Variants in NTNG1 observed in about 807,000 individuals in gnomAD.
NTNG1 encodes netrin G1.
NTNG1 carries 16 observed loss-of-function variants against 54.0 expected under a neutral mutation model. The ratio of observed to expected loss-of-function variants is 0.30; its 90% CI spans 0.20 to 0.45. The LOEUF (loss-of-function observed/expected upper bound fraction) is 0.45, where lower values mean the gene tolerates loss of function less well. Among genes scored for constraint, NTNG1 ranks in the 20% least tolerant of loss-of-function variants. The pLI is 1.00. For missense variants in NTNG1, 530 were observed against 678.7 expected, an observed-to-expected ratio of 0.78 and a Z score of 2.43; for synonymous variants, 255 against 263.1, an observed-to-expected ratio of 0.97 and a Z score of 0.30.
intron 1 of NTNG1, among the ~76,000 whole-genome samples, chr1:107,146,794 A>T (rs528755173): frequency 6.6e-6 from 1 of 152,036 alleles, no homozygotes; most frequent in African/African-American, 2.4e-5. Context: ...ACACAATTCA[A>T]CCATCTGTTG....
intron 2 of NTNG1, among the ~76,000 whole-genome samples, chr1:107,249,836 TGTTA>T (rs1369682529): frequency 3.3e-5 from 5 of 152,292 alleles, no homozygotes; most frequent in Non-Finnish European, 7.4e-5. Flanking sequence ...TTTTGGGAAA[TGTTA>T]CCATAATATG....
intron 7 of NTNG1, among the ~76,000 whole-genome samples, chr1:107,465,033 A>G (rs1394200545): frequency 6.6e-6 from 1 of 152,076 alleles, no homozygotes; most frequent in Non-Finnish European, 1.5e-5. Flanking sequence ...TCTCACCACA[A>G]TACAAGAAAC....
intron 2 of NTNG1, among the ~76,000 whole-genome samples, chr1:107,206,864 C>A (rs530450683): frequency 6.6e-6 from 1 of 152,046 alleles, no homozygotes; most frequent in Non-Finnish European, 1.5e-5. Context: ...TGGTTTTGAA[C>A]GAGCCCGCCT....
At chr1:107,254,486 G>A (rs1662807535) in intron 2 of NTNG1, among the ~76,000 whole-genome samples, 1 of 152,210 alleles carries the variant, frequency 6.6e-6, no homozygotes, top group South Asian at 2.1e-4. Flanking sequence ...CTGGCAATGG[G>A]GCTCAAGAGC....
intron 2 of NTNG1, among the ~76,000 whole-genome samples, chr1:107,323,455 A>G (rs748060727): frequency 1.8e-4 from 27 of 152,150 alleles, no homozygotes; most frequent in Non-Finnish European, 3.8e-4. Context: ...AAGGTAGAAT[A>G]ATAATAACTA....
chr1:107,194,616 A>C (rs1005565936), intron 2 of NTNG1, among the ~76,000 whole-genome samples: 6 of 152,090 alleles, frequency 3.9e-5, no homozygotes, highest in African/African-American at 1.4e-4. Flanking sequence ...AGATCAGCAT[A>C]GTAAACCAAT....
intron 2 of NTNG1, among the ~76,000 whole-genome samples, chr1:107,162,991 C>A (rs1655523525): frequency 6.6e-6 from 1 of 152,136 alleles, no homozygotes; most frequent in Admixed American, 6.6e-5. Flanking sequence ...CCAATTAAAA[C>A]CACAGCCAGG....
rs529388379 is a variant in NTNG1, at chr1:107,275,757, C to T, written c.247-48525C>T. 1.8e-4 allele frequency among the ~76,000 whole-genome samples: 28 copies of T among 152,328 alleles called. No homozygotes were observed. The South Asian group carries it at 5.6e-3, about 30-fold the overall frequency. ...CACCCACATTAGGGAGAGAAATCTGCTTTACTCAGTTTACCAATTCAAATG... is the reference window on the plus strand; with the variant it reads ...CACCCACATTAGGGAGAGAAATCTGTTTTACTCAGTTTACCAATTCAAATG... On this transcript the variant is annotated intron_variant, in intron 2 of 7. Transcript: ENST00000370068.
chr1:107,473,453 C>T (rs1457322650), intron 7 of NTNG1, among the ~76,000 whole-genome samples: 3 of 152,086 alleles, frequency 2.0e-5, no homozygotes, highest in Non-Finnish European at 4.4e-5. Context: ...CATAAGGAGT[C>T]CATCTGTGGT....
At chr1:107,282,904 G>T (rs1404611167) in intron 2 of NTNG1, among the ~76,000 whole-genome samples, 1 of 152,138 alleles carries the variant, frequency 6.6e-6, no homozygotes, top group African/African-American at 2.4e-5. Flanking sequence ...AGTGTTTGGT[G>T]AGGGCCCACA....
At chr1:107,388,242 T>A (rs1672138932) in intron 3 of NTNG1, among the ~76,000 whole-genome samples, 1 of 152,202 alleles carries the variant, frequency 6.6e-6, no homozygotes, top group Non-Finnish European at 1.5e-5. Flanking sequence ...AAACTAACAT[T>A]TGTTAAGAAC....
At chr1:107,244,726 A>T (rs565735117) in intron 2 of NTNG1, among the ~76,000 whole-genome samples, 1 of 152,132 alleles carries the variant, frequency 6.6e-6, no homozygotes, top group East Asian at 1.9e-4. Context: ...CTGTCTGCCA[A>T]TCTAGCTCTC....
intron 2 of NTNG1, among the ~76,000 whole-genome samples, chr1:107,244,458 C>T (rs966275761): frequency 2.0e-5 from 3 of 152,150 alleles, no homozygotes; most frequent in Admixed American, 6.5e-5. Flanking sequence ...CCATACAAAC[C>T]GATGCTGCTG....
intron 2 of NTNG1, among the ~76,000 whole-genome samples, chr1:107,307,383 G>GTGA (rs1172123791): frequency 2.0e-5 from 3 of 152,112 alleles, no homozygotes; most frequent in East Asian, 3.9e-4. Context: ...AGCAATGATA[G>GTGA]TGATGATGAT....
intron 3 of NTNG1, among the ~76,000 whole-genome samples, chr1:107,379,804 G>A (rs1671533676): frequency 6.6e-6 from 1 of 152,122 alleles, no homozygotes; most frequent in Non-Finnish European, 1.5e-5. Flanking sequence ...TAAAAGTTAA[G>A]CAACCTGCTA....
chr1:107,253,244 G>T (rs1350631117), intron 2 of NTNG1, among the ~76,000 whole-genome samples: 1 of 152,100 alleles, frequency 6.6e-6, no homozygotes. Context: ...ACATTCCTGA[G>T]CCACATGTTT....
intron 3 of NTNG1, among the ~76,000 whole-genome samples, chr1:107,329,642 C>T (rs902730851): frequency 2.6e-5 from 4 of 152,262 alleles, no homozygotes; most frequent in African/African-American, 7.2e-5. Flanking sequence ...AGACATCCCA[C>T]AAAAATGCTT....
chr1:107,267,771 C>G (rs1170528394), intron 2 of NTNG1, among the ~76,000 whole-genome samples: 1 of 152,172 alleles, frequency 6.6e-6, no homozygotes, highest in Admixed American at 6.5e-5. Context: ...ACATTAACTC[C>G]TAGACTCCTT....
intron 2 of NTNG1, among the ~76,000 whole-genome samples, chr1:107,216,909 C>A (rs545684507): frequency 1.3e-5 from 2 of 152,178 alleles, no homozygotes; most frequent in South Asian, 4.2e-4. Context: ...GATCTCTTGA[C>A]CTCATGATCC....
Sources: allele counts gnomAD v4.1 joint callset (sites outside exome capture counted in the v4.1 genomes callset), GRCh38; gene constraint gnomAD v4.1.1; transcripts MANE v1.5; gene names NCBI Gene and HGNC (gene_info 2026-07-23, HGNC 2026-07-21).